The following SPG11 variants were observed in gnomAD, a reference collection of about 807,000 sequenced individuals.
SPG11 encodes the protein SPG11 vesicle trafficking associated, spatacsin, also known as spatacsin.
In SPG11, 222 loss-of-function variants were observed where a neutral mutation model predicts 274.0. The observed-to-expected ratio is 0.81, with a 90% CI of 0.73 to 0.91. SPG11 has a LOEUF of 0.91. Ranked by LOEUF, SPG11 falls within the 40% of genes least tolerant of loss-of-function variation. The probability of loss-of-function intolerance (pLI) is 0.00; values close to 1 mark genes in which losing one functional copy is unlikely to be tolerated. For synonymous variants in SPG11, 1,144 were observed against 1,039.7 expected (o/e 1.10, Z -1.93); for missense variants, 3,114 against 2,872.7 (o/e 1.08, Z -1.92).
Position 44,615,417 on chromosome 15 carries a change from T to C in SPG11, c.2984A>G (p.Tyr995Cys), listed in dbSNP as rs202146190. The change falls in exon 16 of 40, where the codon TAT becomes TGT. Residue 995 changes from tyrosine to cysteine, a missense_variant. Coordinates refer to ENST00000261866, the MANE Select transcript of SPG11 (RefSeq NM_025137.4). The stretch of plus-strand genomic sequence containing the variant: ...ATGCTGCAGACTGTGCTCCAAACAA[T>C]AGAGAATGAATTGAGAATGGAAATC... ...GWDFHSQFIL[Y>C]CLEHSLQHLL... 2.8e-5 allele frequency: 45 copies of C among 1,614,100 alleles called. No homozygotes were observed. The highest frequency in any genetic ancestry group is 1.1e-4 in the African/African-American group (8 of 75,060).
chr15:44,582,265 A>G (rs541424334), intron 30 of SPG11, among the ~76,000 whole-genome samples: 1 of 152,280 alleles, frequency 6.6e-6, no homozygotes, highest in African/African-American at 2.4e-5. Context: ...GTATAAAAAA[A>G]GGCCGGGCAC....
chr15:44,657,426 G>C (rs1175784338), intron 3 of SPG11, 130 bp from the exon 4 acceptor site: 1 of 785,076 alleles, frequency 1.3e-6, no homozygotes, highest in African/African-American at 1.7e-5. Flanking sequence ...ACTGAAAACT[G>C]AGGCAAGCCC....
At chr15:44,594,056 C>T (rs2082970149) in intron 26 of SPG11, among the ~76,000 whole-genome samples, 1 of 151,354 alleles carries the variant, frequency 6.6e-6, no homozygotes, top group African/African-American at 2.4e-5. Flanking sequence ...AGGTGTGAGC[C>T]ACCGTGCCTG....
intron 5 of SPG11, 54 bp downstream of exon 5, chr15:44,652,075 T>A: frequency 6.2e-7 from 1 of 1,607,616 alleles, no homozygotes; most frequent in South Asian, 1.1e-5. Context: ...GGGTACAGCG[T>A]CAGCATGATA....
At chr15:44,612,211 C>T (rs935398036) in intron 17 of SPG11, among the ~76,000 whole-genome samples, 1 of 152,130 alleles carries the variant, frequency 6.6e-6, no homozygotes, top group Non-Finnish European at 1.5e-5. Flanking sequence ...GTTCTACTAG[C>T]ACTTAACAAT....
At position 44,596,290 on chromosome 15, in the gene SPG11, G is replaced by C. The variant is rs1377515652; in HGVS notation, c.4227C>G (p.Asn1409Lys). ...TTTTGGAGGTGGGCACTGAGGGCAA[G>C]TTCTCAAAAGCCAGCCTTAAGTGGT... ...IQDHLRLAFE[N>K]LPSVPTSKMD... is the part of the protein sequence containing the mutation. Residue 1409 changes from asparagine (N) to lysine (K), a missense_variant, in exon 25 of 40, where the codon AAC becomes AAG. Coordinates refer to ENST00000261866, the MANE Select transcript of SPG11 (RefSeq NM_025137.4). The C allele has an allele frequency of 1.2e-6, 2 of 1,614,200 alleles. No individual in the cohort carries two copies. The highest frequency in any genetic ancestry group is 1.7e-6 in the Non-Finnish European group (2 of 1,180,030).
At chr15:44,635,312 T>C (rs936098731) in intron 7 of SPG11, among the ~76,000 whole-genome samples, 11 of 152,066 alleles carry the variant, frequency 7.2e-5, no homozygotes, top group Admixed American at 3.9e-4. Flanking sequence ...CAGTGGCTCA[T>C]GCCTGCAATC....
At chr15:44,576,557 G>A (rs1421050885) in intron 30 of SPG11, among the ~76,000 whole-genome samples, 3 of 151,612 alleles carry the variant, frequency 2.0e-5, no homozygotes, top group African/African-American at 7.3e-5. Context: ...GCTGAGGCAG[G>A]AGAATGGCGT....
chr15:44,574,498 C>T (rs528935751), intron 31 of SPG11, among the ~76,000 whole-genome samples: 22 of 152,114 alleles, frequency 1.4e-4, no homozygotes, highest in Non-Finnish European at 2.9e-4. Context: ...CCCCAAGCAG[C>T]GCAAAGGTAC....
chr15:44,659,615 AAAG>A lies in SPG11; in HGVS notation c.443-315_443-313del, dbSNP rs577320910. On this transcript the variant is annotated intron_variant, in intron 2 of 39. Coordinates refer to ENST00000261866, the MANE Select transcript of SPG11 (RefSeq NM_025137.4). ...GACTTTTTCTTTTTTTAAAAGAAAA[AAAG>A]AAGAAACCTTATAATCAAGGGTGAA... is the stretch of plus-strand genomic sequence containing the variant. Among the ~76,000 whole-genome samples the A allele has an allele frequency of 2.8e-4, 42 of 152,280 alleles. No individual in the cohort carries two copies. The South Asian group carries it at 8.5e-3, about 31-fold the overall frequency.
intron 4 of SPG11, among the ~76,000 whole-genome samples, chr15:44,656,540 T>C (rs2084945409): frequency 6.6e-6 from 1 of 151,972 alleles, no homozygotes; most frequent in Admixed American, 6.6e-5. Context: ...ACAGGTGAAG[T>C]GGGAGTACTT....
At chr15:44,572,900 A>C in intron 32 of SPG11, 80 bp from the exon 33 acceptor site, 1 of 1,448,782 alleles carries the variant, frequency 6.9e-7, no homozygotes, top group South Asian at 1.1e-5. Flanking sequence ...ACCAGGAGGT[A>C]ATGCTTATGG....
In SPG11 at chr15:44,659,127, G is replaced by A; in HGVS notation, c.619C>T (p.Gln207Ter). 1 of 1,614,206 alleles carries A rather than the reference G, an allele frequency of 6.2e-7. No individual in the cohort carries two copies. The highest frequency in any genetic ancestry group is 8.5e-7 in the Non-Finnish European group (1 of 1,180,042). Reference protein sequence around the residue: ...AQAVDMIIDTQLCRGILFVLS... With the variant: ...AQAVDMIIDT ...ACAAAAAGAATTCCTCTGCAGAGCT[G>A]CGTGTCAATAATCATGTCCACTGCC... Residue 207 changes from glutamine to a stop codon, truncating the protein, a stop_gained, in exon 3 of 40, where the codon CAG becomes TAG. Coordinates refer to ENST00000261866, the MANE Select transcript of SPG11 (RefSeq NM_025137.4). LOFTEE classifies it high-confidence loss of function.
intron 32 of SPG11, among the ~76,000 whole-genome samples, chr15:44,573,177 G>A (rs897032195): frequency 2.0e-5 from 3 of 151,310 alleles, no homozygotes; most frequent in South Asian, 2.1e-4. Flanking sequence ...TAGTAGAGGC[G>A]GGTTTCACTG....
chr15:44,563,252 A>G lies in SPG11; in HGVS notation c.7201T>C (p.Leu2401=), dbSNP rs750362639. The part of the protein sequence containing the change: ...TDMVMENLKK[L]LTYCEDVYLY... ...TAAACATCTTCACAATATGTGAGTA[A>G]TTTCTTCAGGTTTTCCATGACCATG... The change falls in exon 40 of 40, where the codon TTA becomes CTA. Residue 2401 remains leucine (L), a synonymous_variant. Transcript: ENST00000261866. The G allele has an allele frequency of 6.2e-7, 1 of 1,614,050 alleles. No homozygotes were observed. The highest frequency in any genetic ancestry group is 8.5e-7 in the Non-Finnish European group (1 of 1,179,908).
chr15:44,636,948 A>AC (rs2084287714), intron 7 of SPG11, among the ~76,000 whole-genome samples: 3 of 130,920 alleles, frequency 2.3e-5, no homozygotes, highest in African/African-American at 3.3e-5. Context: ...AAAAAAAAAA[A>AC]AAAAAAAAAC....
intron 8 of SPG11, among the ~76,000 whole-genome samples, chr15:44,630,668 C>T (rs2084035598): frequency 6.6e-6 from 1 of 152,132 alleles, no homozygotes; most frequent in African/African-American, 2.4e-5. Context: ...CAACCTCCGC[C>T]TCCTCCCTTC....
Position 44,610,955 on chromosome 15 carries a change from G to C in SPG11, c.3176C>G (p.Ala1059Gly). 2.5e-6 allele frequency: 4 copies of C among 1,613,932 alleles called. No individual in the cohort carries two copies. Among genetic ancestry groups the C allele is most frequent in the Non-Finnish European group, 3.4e-6 (4 of 1,179,966 alleles). Residue 1059 changes from alanine (A) to glycine (G), a missense_variant, in exon 18 of 40, where the codon GCA (alanine) becomes GGA (glycine). By Grantham distance (60) the Ala-to-Gly change is moderately conservative (BLOSUM62 0). Coordinates refer to ENST00000261866, the MANE Select transcript of SPG11 (RefSeq NM_025137.4). ...DPKLIFQASL[A>G]NAQILIPTNQ... The stretch of plus-strand genomic sequence containing the variant: ...GGTGGGAATCAAAATCTGAGCATTT[G>C]CAAGGCTAGCCTGGAAGATCAGTTT...
Position 44,657,117 on chromosome 15 carries a change from G to A in SPG11, c.847C>T (p.Leu283Phe). ...TACCTGAAATACAAATTTAAGTTAA[G>A]AGCAACTGCGGAGTTGGAGGAGCTG... ...IVSSSNSAVA[L>F]NLNLYFRQHP... Residue 283 changes from leucine (L) to phenylalanine (F), a missense_variant, in exon 4 of 40, where the codon CTT becomes TTT. Coordinates refer to ENST00000261866, the MANE Select transcript of SPG11 (RefSeq NM_025137.4). 6.2e-7 allele frequency: 1 copy of A among 1,613,970 alleles called. No individual in the cohort carries two copies. The highest frequency in any genetic ancestry group is 8.5e-7 in the Non-Finnish European group (1 of 1,179,962).
Sources: allele counts gnomAD v4.1 joint callset (sites outside exome capture counted in the v4.1 genomes callset), GRCh38; gene constraint gnomAD v4.1.1; transcripts MANE v1.5; gene names NCBI Gene and HGNC (gene_info 2026-07-23, HGNC 2026-07-21).